Variants in FSHR observed in about 807,000 individuals in gnomAD.
FSHR encodes follicle stimulating hormone receptor.
Under a neutral mutation model 52.1 loss-of-function variants are expected in FSHR, and 46 were observed. That is an observed-to-expected ratio of 0.88 (90% CI 0.70 to 1.13). FSHR has a LOEUF of 1.13. Among genes scored for constraint, FSHR ranks in the 50% most tolerant of loss-of-function variants. The probability of loss-of-function intolerance (pLI) is 0.00; values close to 1 mark genes in which losing one functional copy is unlikely to be tolerated. For synonymous variants in FSHR, 399 were observed against 309.6 expected, an observed-to-expected ratio of 1.29 and a Z score of -3.03; for missense variants, 964 against 834.6, an observed-to-expected ratio of 1.16 and a Z score of -1.91.
chr2:49,006,665 C>T (rs894491681), intron 4 of FSHR, among the ~76,000 whole-genome samples: 3 of 152,224 alleles, frequency 2.0e-5, no homozygotes, highest in East Asian at 1.9e-4. Flanking sequence ...GCCTGAGGCA[C>T]AGGGTCAGTC....
At chr2:48,987,769 G>A (rs1177562982) in intron 6 of FSHR, among the ~76,000 whole-genome samples, 1 of 149,894 alleles carries the variant, frequency 6.7e-6, no homozygotes, top group African/African-American at 2.5e-5. Context: ...CATTCATTCT[G>A]CTCGCGTTTT....
intron 1 of FSHR, among the ~76,000 whole-genome samples, chr2:49,096,925 T>G (rs6749906): frequency 0.27 from 41,560 of 152,014 alleles, 6,304 homozygotes; most frequent in African/African-American, 0.42. Flanking sequence ...ACTCCCACTT[T>G]ACCTTCTGCC....
At chr2:49,064,309 A>T (rs775370826) in intron 2 of FSHR, among the ~76,000 whole-genome samples, 26 of 150,520 alleles carry the variant, frequency 1.7e-4, no homozygotes, top group African/African-American at 5.2e-4. Context: ...CAACATTGGG[A>T]AATGTGGCCT....
chr2:49,125,821 C>A (rs1244055400), intron 1 of FSHR, among the ~76,000 whole-genome samples: 1 of 152,224 alleles, frequency 6.6e-6, no homozygotes, highest in Non-Finnish European at 1.5e-5. Flanking sequence ...AGTCTTGCCA[C>A]TAGCTGTCGT....
At chr2:49,008,608 T>G in intron 4 of FSHR, among the ~76,000 whole-genome samples, 1 of 147,664 alleles carries the variant, frequency 6.8e-6, no homozygotes. Flanking sequence ...CCACACTGAC[T>G]TCCACAATGG....
In FSHR at chr2:48,962,247, T is replaced by C. The variant is rs746572474; in HGVS notation, c.*486A>G. ...GCTTCAGATGGGTGTTCAATTAATA[T>C]TTGTTGAATGAATGAATGAATGAAT... On this transcript the variant is annotated 3_prime_UTR_variant, in exon 10 of 10. Transcript: ENST00000406846. 1.0e-5 allele frequency: 2 copies of C among 199,094 alleles called. No homozygotes were observed. The highest frequency in any genetic ancestry group is 2.1e-5 in the Non-Finnish European group (2 of 96,628). 12.3% of individuals were successfully genotyped at this position (199,094 alleles called of 1,614,324 possible).
chr2:49,125,950 T>C (rs1671980617), intron 1 of FSHR, among the ~76,000 whole-genome samples: 1 of 152,158 alleles, frequency 6.6e-6, no homozygotes, highest in Non-Finnish European at 1.5e-5. Flanking sequence ...GGGCAAACTG[T>C]CCATAAATAG....
intron 1 of FSHR, among the ~76,000 whole-genome samples, chr2:49,102,867 A>T (rs575690047): frequency 2.1e-4 from 32 of 152,120 alleles, no homozygotes; most frequent in African/African-American, 6.5e-4. Flanking sequence ...ATTCTTTGGC[A>T]TAAAGGTAGA....
chr2:49,009,193 T>A (rs1667180319), intron 4 of FSHR, among the ~76,000 whole-genome samples: 1 of 151,424 alleles, frequency 6.6e-6, no homozygotes. Flanking sequence ...CATCTTGAAT[T>A]GATTTTTGTA....
At position 49,115,966 on chromosome 2, in the gene FSHR, C is replaced by T. The variant is rs1671582793; in HGVS notation, c.152+38300G>A. ...CTTGAAGCTTTCTGAGAGGAGGTGG[C>T]TCTATGGGGAATCCTAATCCTGCGT... On this transcript the variant is annotated intron_variant, in intron 1 of 9. Transcript: ENST00000406846. 2.6e-5 allele frequency among the ~76,000 whole-genome samples: 4 copies of T among 152,186 alleles called. No homozygotes were observed. In the South Asian group the frequency reaches 8.3e-4, roughly 32 times the overall value.
intron 1 of FSHR, among the ~76,000 whole-genome samples, chr2:49,152,435 C>G (rs1173918504): frequency 6.6e-6 from 1 of 152,066 alleles, no homozygotes; most frequent in East Asian, 1.9e-4. Flanking sequence ...CATAGTAATT[C>G]ATACAAATAT....
chr2:49,055,764 A>G (rs1669040830), intron 2 of FSHR, among the ~76,000 whole-genome samples: 1 of 151,992 alleles, frequency 6.6e-6, no homozygotes, highest in South Asian at 2.1e-4. Context: ...TATTCAAAGT[A>G]CTAAAAGAAA....
chr2:49,069,226 G>C (rs1669635370), intron 1 of FSHR, among the ~76,000 whole-genome samples: 1 of 152,022 alleles, frequency 6.6e-6, no homozygotes, highest in African/African-American at 2.4e-5. Flanking sequence ...TGATCATCCT[G>C]GTCTTGCCGT....
intron 1 of FSHR, among the ~76,000 whole-genome samples, chr2:49,075,679 G>C (rs556659041): frequency 1.3e-5 from 2 of 151,974 alleles, no homozygotes; most frequent in Non-Finnish European, 1.5e-5. Context: ...CCAGGCTGGA[G>C]TGCAGTGGCA....
At position 49,063,266 on chromosome 2, in the gene FSHR, T is replaced by C. The variant is rs1669378949; in HGVS notation, c.224+4953A>G. ...TTAAACCAGCTTAATATGAACTGAG[T>C]GTTTGCAGTAACAAAGGATTCTTCT... On this transcript the variant is annotated intron_variant, in intron 2 of 9. Coordinates refer to ENST00000406846, the MANE Select transcript of FSHR (RefSeq NM_000145.4). 2.0e-5 allele frequency among the ~76,000 whole-genome samples: 3 copies of C among 152,086 alleles called. No individual in the cohort carries two copies. In the South Asian group the frequency reaches 6.2e-4, roughly 32 times the overall value.
At chr2:49,032,186 C>T (rs561062310) in intron 2 of FSHR, among the ~76,000 whole-genome samples, 1 of 152,296 alleles carries the variant, frequency 6.6e-6, no homozygotes, top group Non-Finnish European at 1.5e-5. Flanking sequence ...TTCCCTAATC[C>T]TCCAGAATTA....
intron 4 of FSHR, among the ~76,000 whole-genome samples, chr2:49,001,149 T>G (rs986647569): frequency 1.3e-5 from 2 of 152,122 alleles, no homozygotes; most frequent in Non-Finnish European, 2.9e-5. Context: ...GAAATAATAA[T>G]GGTTAATACT....
chr2:48,969,361 A>G (rs1674628290), intron 8 of FSHR, among the ~76,000 whole-genome samples: 2 of 152,220 alleles, frequency 1.3e-5, no homozygotes, highest in Admixed American at 6.5e-5. Flanking sequence ...GAGGAAGAAG[A>G]GTCTGGCAGG....
intron 1 of FSHR, among the ~76,000 whole-genome samples, chr2:49,084,103 C>T (rs185093170): frequency 0.012 from 1,751 of 152,132 alleles, 36 homozygotes; most frequent in African/African-American, 0.04. Flanking sequence ...AAGTAAAGCT[C>T]TCCTCAGCAA....
Sources: gnomAD v4.1 joint callset for allele counts (sites outside exome capture counted in the v4.1 genomes callset) on GRCh38, gnomAD v4.1.1 for gene constraint, MANE v1.5 for transcripts, NCBI Gene and HGNC (gene_info 2026-07-23, HGNC 2026-07-21) for gene names.